The following GRM8 variants were observed in gnomAD, a reference collection of about 807,000 sequenced individuals.
The protein encoded by GRM8 is glutamate metabotropic receptor 8.
In GRM8, 47 loss-of-function variants were observed where a neutral mutation model predicts 87.2. The observed-to-expected ratio is 0.54, with a 90% CI of 0.43 to 0.69. The LOEUF is 0.69. GRM8 is among the 30% of genes least tolerant of loss of function. The pLI, the probability that GRM8 is intolerant of heterozygous loss-of-function variation, is 0.00. For missense variants in GRM8, 1,019 were observed against 1,139.2 expected (o/e 0.89, Z 1.52); for synonymous variants, 396 against 404.5 (o/e 0.98, Z 0.25).
At chr7:127,152,845 A>G (rs1027455341) in intron 2 of GRM8, among the ~76,000 whole-genome samples, 6 of 152,180 alleles carry the variant, frequency 3.9e-5, no homozygotes, top group Non-Finnish European at 7.4e-5. Context: ...TCATAGGACT[A>G]CAGTTCAACT....
rs371730588 is a variant in GRM8 at position 126,532,792 on chromosome 7, T to G, written c.2430+160A>C. ...ATATATATATATATATATATATATA[T>G]ATATATATATATATATATATATATG... On this transcript the variant is annotated intron_variant, in intron 9 of 10. Coordinates refer to ENST00000339582, the MANE Select transcript of GRM8 (RefSeq NM_000845.3). Among the ~76,000 whole-genome samples, 392 of 53,374 alleles carry G rather than the reference T, an allele frequency of 7.3e-3. 22 individuals carry two copies. The highest frequency in any genetic ancestry group is 0.057 in the Admixed American group (356 of 6,192). 35.0% of individuals were successfully genotyped at this position (53,374 alleles called of 152,430 possible).
intron 2 of GRM8, among the ~76,000 whole-genome samples, chr7:127,131,650 A>G (rs1215114371): frequency 6.6e-6 from 1 of 152,158 alleles, no homozygotes; most frequent in East Asian, 1.9e-4. Context: ...TATTAAAATG[A>G]TAATATGACT....
intron 1 of GRM8, among the ~76,000 whole-genome samples, chr7:127,246,545 A>T (rs2116900221): frequency 6.6e-6 from 1 of 152,190 alleles, no homozygotes; most frequent in South Asian, 2.1e-4. Flanking sequence ...CCCTTTGGGG[A>T]GGCTTAACCA....
rs114360115 is a variant in GRM8, at chr7:126,661,706, C to G, written c.1358-52208G>C. Among the ~76,000 whole-genome samples, 1,185 of 152,240 alleles carry G rather than the reference C, an allele frequency of 7.8e-3. 20 individuals carry two copies. Among genetic ancestry groups the G allele is most frequent in the African/African-American group, 0.027 (1,124 of 41,526 alleles). ...CTTTATGTGCCTCACTCAGGGGGTT[C>G]GTCATGCCTCCTTCTTTGAGTAGGA... is the stretch of plus-strand genomic sequence containing the variant. On this transcript the variant is annotated intron_variant, in intron 7 of 10. Transcript: ENST00000339582.
chr7:127,238,571 G>C (rs1357425253), intron 2 of GRM8, among the ~76,000 whole-genome samples: 1 of 152,150 alleles, frequency 6.6e-6, no homozygotes, highest in Non-Finnish European at 1.5e-5. Flanking sequence ...TGAGGCAACA[G>C]CAGTATGAAC....
chr7:126,628,155 C>A (rs1475269863), intron 7 of GRM8, among the ~76,000 whole-genome samples: 1 of 152,184 alleles, frequency 6.6e-6, no homozygotes, highest in Non-Finnish European at 1.5e-5. Context: ...TCAAGAGATT[C>A]TCCTGCCTCA....
At chr7:126,763,472 T>TATACAC (rs1479649712) in intron 7 of GRM8, among the ~76,000 whole-genome samples, 31 of 78,346 alleles carry the variant, frequency 4.0e-4, no homozygotes, top group South Asian at 3.9e-3. Context: ...TATATATATA[T>TATACAC]ACACACACAC....
intron 7 of GRM8, among the ~76,000 whole-genome samples, chr7:126,621,380 A>G (rs533744587): frequency 1.3e-5 from 2 of 152,148 alleles, no homozygotes; most frequent in Admixed American, 6.5e-5. Flanking sequence ...GCAGAGTTAG[A>G]CTTACTTATT....
chr7:127,163,794 C>T (rs1051452659), intron 2 of GRM8, among the ~76,000 whole-genome samples: 2 of 152,042 alleles, frequency 1.3e-5, no homozygotes, highest in Non-Finnish European at 2.9e-5. Flanking sequence ...TACTTTTGCA[C>T]ATGTTTAAAA....
intron 3 of GRM8, among the ~76,000 whole-genome samples, chr7:127,002,278 A>T (rs1427204963): frequency 6.6e-6 from 1 of 151,668 alleles, no homozygotes; most frequent in Non-Finnish European, 1.5e-5. Flanking sequence ...GCTGTGACAG[A>T]GTGCATCATC....
intron 3 of GRM8, among the ~76,000 whole-genome samples, chr7:126,930,972 G>C (rs898676540): frequency 3.9e-5 from 6 of 152,122 alleles, no homozygotes; most frequent in Non-Finnish European, 7.3e-5. Flanking sequence ...CAGGCTCACT[G>C]CTTGGTGCAG....
intron 6 of GRM8, among the ~76,000 whole-genome samples, chr7:126,795,724 A>G (rs1489294729): frequency 6.6e-6 from 1 of 152,120 alleles, no homozygotes; most frequent in African/African-American, 2.4e-5. Flanking sequence ...CAATTGTCCA[A>G]TGAATGGGGA....
At chr7:126,713,116 A>G (rs1241360098) in intron 7 of GRM8, among the ~76,000 whole-genome samples, 1 of 152,196 alleles carries the variant, frequency 6.6e-6, no homozygotes, top group Non-Finnish European at 1.5e-5. Flanking sequence ...AAAGGATTAT[A>G]AATCATTCTG....
intron 8 of GRM8, among the ~76,000 whole-genome samples, chr7:126,604,828 A>C (rs1798189159): frequency 6.6e-6 from 1 of 152,156 alleles, no homozygotes; most frequent in Non-Finnish European, 1.5e-5. Flanking sequence ...GGAGTCATCC[A>C]CTGAAAATTA....
intron 8 of GRM8, among the ~76,000 whole-genome samples, chr7:126,584,424 C>T (rs775038343): frequency 6.6e-6 from 1 of 152,096 alleles, no homozygotes; most frequent in Non-Finnish European, 1.5e-5. Flanking sequence ...AGGGACTCAC[C>T]TTAATGTGCA....
intron 6 of GRM8, among the ~76,000 whole-genome samples, chr7:126,892,042 A>AAAAAC (rs1459026019): frequency 6.6e-6 from 1 of 150,894 alleles, no homozygotes; most frequent in African/African-American, 2.4e-5. Flanking sequence ...AAAAAAAAAA[A>AAAAAC]ACCCTAATAA....
chr7:127,199,933 T>A (rs1031042748), intron 2 of GRM8, among the ~76,000 whole-genome samples: 1 of 152,234 alleles, frequency 6.6e-6, no homozygotes, highest in Non-Finnish European at 1.5e-5. Context: ...TGCGGATATA[T>A]GTCAAATAAC....
chr7:126,899,104 AGT>A lies in GRM8; in HGVS notation c.1156+3436_1156+3437del, dbSNP rs71177573. Among the ~76,000 whole-genome samples, 310 of 140,304 alleles carry A rather than the reference AGT, an allele frequency of 2.2e-3. 3 individuals carry two copies. Among genetic ancestry groups the A allele is most frequent in the African/African-American group, 7.0e-3 (260 of 37,330 alleles). The allele number at this position is 140,304 out of a possible 152,430, so 92.0% of individuals were successfully genotyped here. A position where few individuals can be genotyped will look rare whatever the true frequency, so the allele number is the denominator to read the frequency against. ...TTAAAAAGTTATGTGACTGGTTAAC[AGT>A]GTGTGTGTGTGTGTGTGTGTGTGTG... On this transcript the variant is annotated intron_variant, in intron 6 of 10. Transcript: ENST00000339582.
chr7:126,507,972 A>G (rs892019289), intron 9 of GRM8, among the ~76,000 whole-genome samples: 1 of 151,750 alleles, frequency 6.6e-6, no homozygotes, highest in Non-Finnish European at 1.5e-5. Context: ...GAAACCCTCT[A>G]TGTTTCCACT....
Sources: allele counts gnomAD v4.1 joint callset (sites outside exome capture counted in the v4.1 genomes callset), GRCh38; gene constraint gnomAD v4.1.1; transcripts MANE v1.5; gene names NCBI Gene and HGNC (gene_info 2026-07-23, HGNC 2026-07-21).